PCLO: variants seen among roughly 807,000 people sequenced by gnomAD.
PCLO encodes protein piccolo.
In PCLO, 82 loss-of-function variants were observed where a neutral mutation model predicts 427.5. The ratio of observed to expected loss-of-function variants is 0.19; its 90% CI spans 0.16 to 0.23. PCLO has a LOEUF of 0.23. PCLO is among the 10% of genes least tolerant of loss of function. The probability of loss-of-function intolerance (pLI) is 1.00; values close to 1 mark genes in which losing one functional copy is unlikely to be tolerated. For missense variants in PCLO, 6,239 were observed against 6,115.9 expected, an observed-to-expected ratio of 1.02 and a Z score of -0.67; for synonymous variants, 2,357 against 2,155.4, an observed-to-expected ratio of 1.09 and a Z score of -2.59.
At chr7:82,787,924 A>C (rs1310575665) in intron 22 of PCLO, among the ~76,000 whole-genome samples, 1 of 152,194 alleles carries the variant, frequency 6.6e-6, no homozygotes, top group East Asian at 1.9e-4. Flanking sequence ...TTGAAGAAAA[A>C]GCTGTCTTGA....
intron 9 of PCLO, among the ~76,000 whole-genome samples, chr7:82,899,788 T>C (rs1793996725): frequency 6.6e-6 from 1 of 151,476 alleles, no homozygotes; most frequent in Non-Finnish European, 1.5e-5. Context: ...CTAGTTAAAG[T>C]AAAATAATAA....
At chr7:83,041,002 A>G (rs1328359270) in intron 3 of PCLO, among the ~76,000 whole-genome samples, 1 of 152,248 alleles carries the variant, frequency 6.6e-6, no homozygotes, top group African/African-American at 2.4e-5. Context: ...CTTAATCAGG[A>G]AATTTAACTT....
intron 2 of PCLO, among the ~76,000 whole-genome samples, chr7:83,144,993 T>G (rs1052036616): frequency 1.3e-5 from 2 of 152,190 alleles, no homozygotes; most frequent in Admixed American, 1.3e-4. Flanking sequence ...ATTTTTTTAT[T>G]AGAGAGAGAA....
intron 3 of PCLO, among the ~76,000 whole-genome samples, chr7:83,005,171 ATAAAAT>A (rs1416865158): frequency 1.3e-5 from 2 of 151,762 alleles, no homozygotes; most frequent in East Asian, 1.9e-4. Flanking sequence ...TTAAAAAGAA[ATAAAAT>A]TAATATGTCA....
intron 6 of PCLO, among the ~76,000 whole-genome samples, chr7:82,927,671 C>A (rs1040005680): frequency 6.6e-6 from 1 of 152,148 alleles, no homozygotes; most frequent in South Asian, 2.1e-4. Context: ...TCTTTTAAAT[C>A]TCACTTTAGT....
chr7:83,162,355 A>T lies in PCLO; in HGVS notation c.238T>A (p.Ser80Thr). Residue 80 changes from serine (S) to threonine (T), a missense_variant, in exon 1 of 25, where the codon TCC becomes ACC. Physicochemically the swap from Ser to Thr is moderately conservative, Grantham distance 58. Transcript: ENST00000333891. The stretch of plus-strand genomic sequence containing the variant: ...TCATGCTGTGCATGCCTGTGCATGG[A>T]AGGCGACTCCGCAGCGGCCGGGGGG... ...SVPPAAAESP[S>T]MHRKQELDSS... The T allele has an allele frequency of 6.3e-7, 1 of 1,599,988 alleles. No individual in the cohort carries two copies. Among genetic ancestry groups the T allele is most frequent in the Non-Finnish European group, 8.5e-7 (1 of 1,173,474 alleles).
intron 6 of PCLO, among the ~76,000 whole-genome samples, chr7:82,932,731 T>C (rs1361971551): frequency 1.3e-5 from 2 of 152,192 alleles, no homozygotes; most frequent in African/African-American, 2.4e-5. Flanking sequence ...AAAGGTGGTG[T>C]CAAATGACAA....
chr7:82,803,527 A>G (rs1388861395), intron 21 of PCLO, among the ~76,000 whole-genome samples: 1 of 152,112 alleles, frequency 6.6e-6, no homozygotes, highest in African/African-American at 2.4e-5. Flanking sequence ...TATGTGTAGT[A>G]AGTACATTTT....
At chr7:83,014,023 A>G (rs1238711381) in intron 3 of PCLO, among the ~76,000 whole-genome samples, 1 of 152,156 alleles carries the variant, frequency 6.6e-6, no homozygotes, top group Non-Finnish European at 1.5e-5. Context: ...AAAACAAGCA[A>G]CTGATGGTTT....
intron 3 of PCLO, among the ~76,000 whole-genome samples, chr7:83,037,874 A>T (rs1788833658): frequency 6.8e-6 from 1 of 146,768 alleles, no homozygotes. Flanking sequence ...ATTGAAGGAT[A>T]AAGTGGATAT....
chr7:83,051,326 T>C (rs1789249856), intron 3 of PCLO, among the ~76,000 whole-genome samples: 1 of 152,078 alleles, frequency 6.6e-6, no homozygotes. Context: ...CAACGAAAAA[T>C]AACTCCTTGA....
In PCLO at chr7:82,755,017, G is replaced by C. The variant is rs908257855; in HGVS notation, c.*3558C>G. 6.6e-5 allele frequency: 10 copies of C among 152,018 alleles called. No individual in the cohort carries two copies. Among genetic ancestry groups the C allele is most frequent in the Admixed American group, 5.9e-4 (9 of 15,252 alleles). 9.4% of individuals were successfully genotyped at this position (152,018 alleles called of 1,614,324 possible). ...CTTTATGATATTTTAATGAAATGAA[G>C]CATTGATCAAATAATTTCTAATAAA... On this transcript the variant is annotated 3_prime_UTR_variant, in exon 25 of 25. Coordinates refer to ENST00000333891, the MANE Select transcript of PCLO (RefSeq NM_033026.6).
intron 3 of PCLO, among the ~76,000 whole-genome samples, chr7:83,128,969 T>C (rs1285713811): frequency 6.6e-6 from 1 of 152,168 alleles, no homozygotes. Flanking sequence ...GCCCCAAATG[T>C]TACCTGGATG....
intron 22 of PCLO, among the ~76,000 whole-genome samples, chr7:82,794,269 G>A (rs1379071591): frequency 6.6e-6 from 1 of 151,748 alleles, no homozygotes; most frequent in Non-Finnish European, 1.5e-5. Flanking sequence ...TTAAAGAAAT[G>A]TGTTGTATTT....
At chr7:83,084,612 T>G (rs1790184259) in intron 3 of PCLO, among the ~76,000 whole-genome samples, 1 of 152,212 alleles carries the variant, frequency 6.6e-6, no homozygotes, top group South Asian at 2.1e-4. Context: ...GAAAAAATAC[T>G]TCTGTAAGTA....
At position 82,864,323 on chromosome 7, in the gene PCLO, C is replaced by T. The variant is rs144769661; in HGVS notation, c.13654+15014G>A. On this transcript the variant is annotated intron_variant, in intron 10 of 24. Coordinates refer to ENST00000333891, the MANE Select transcript of PCLO (RefSeq NM_033026.6). ...AGTTATAATTTCTGACATGATTACT[C>T]CTACTATGGAGTAGGAACATCATGA... 6.8e-4 allele frequency among the ~76,000 whole-genome samples: 103 copies of T among 152,140 alleles called. 1 individual carries two copies. The highest frequency in any genetic ancestry group is 9.7e-4 in the Non-Finnish European group (66 of 67,978).
At chr7:82,877,534 G>A (rs887830082) in intron 10 of PCLO, among the ~76,000 whole-genome samples, 36 of 152,064 alleles carry the variant, frequency 2.4e-4, no homozygotes, top group African/African-American at 8.7e-4. Context: ...CATAGAAAAC[G>A]CATATACGCC....
chr7:82,975,172 T>C (rs1300633770), intron 3 of PCLO, among the ~76,000 whole-genome samples: 1 of 152,170 alleles, frequency 6.6e-6, no homozygotes, highest in South Asian at 2.1e-4. Context: ...AGTTAGTCAC[T>C]AGTCAGCACT....
intron 16 of PCLO, among the ~76,000 whole-genome samples, chr7:82,833,047 T>C (rs1401465659): frequency 6.6e-6 from 1 of 152,146 alleles, no homozygotes; most frequent in Non-Finnish European, 1.5e-5. Context: ...GTCTGACACA[T>C]AGTCTGTGCT....
Sources: allele counts gnomAD v4.1 joint callset (sites outside exome capture counted in the v4.1 genomes callset), GRCh38; gene constraint gnomAD v4.1.1; transcripts MANE v1.5; gene names NCBI Gene and HGNC (gene_info 2026-07-23, HGNC 2026-07-21).